Variants in CSMD2 observed in about 807,000 individuals in gnomAD.
CSMD2 encodes CUB and sushi domain-containing protein 2.
A neutral mutation model predicts 398.5 loss-of-function variants in CSMD2; 130 were observed. That is an observed-to-expected ratio of 0.33 (90% confidence interval 0.28 to 0.38). CSMD2 has a LOEUF of 0.38. Among genes scored for constraint, CSMD2 ranks in the 10% least tolerant of loss-of-function variants. The pLI is 1.00. For missense variants in CSMD2, 3,829 were observed against 4,764.9 expected, an observed-to-expected ratio of 0.80 and a Z score of 5.78; for synonymous variants, 1,828 against 1,908.5, an observed-to-expected ratio of 0.96 and a Z score of 1.10.
intron 50 of CSMD2, among the ~76,000 whole-genome samples, chr1:33,572,200 T>C (rs972542906): frequency 7.2e-5 from 11 of 152,182 alleles, no homozygotes; most frequent in Non-Finnish European, 1.3e-4. Context: ...GTTGTTGTTT[T>C]TAGAGCTTTG....
At chr1:33,954,547 AAG>A (rs1645105859) in intron 3 of CSMD2, among the ~76,000 whole-genome samples, 1 of 152,130 alleles carries the variant, frequency 6.6e-6, no homozygotes. Flanking sequence ...CAAGCGGGAG[AAG>A]CAACTCCAGT....
intron 4 of CSMD2, among the ~76,000 whole-genome samples, chr1:33,931,494 G>T (rs913160107): frequency 2.6e-5 from 4 of 152,224 alleles, no homozygotes; most frequent in Non-Finnish European, 2.9e-5. Context: ...GACTGGGGGT[G>T]GGGGGAAGCC....
At chr1:33,813,935 AG>A (rs1463351332) in intron 9 of CSMD2, 1 of 152,660 alleles carries the variant, frequency 6.6e-6, no homozygotes, top group Non-Finnish European at 1.5e-5. Flanking sequence ...TCCTGACTGA[AG>A]CCCATCTTCC....
intron 2 of CSMD2, among the ~76,000 whole-genome samples, chr1:34,064,140 T>C (rs1466618842): frequency 6.6e-6 from 1 of 152,212 alleles, no homozygotes; most frequent in African/African-American, 2.4e-5. Flanking sequence ...GGTGCCGCTG[T>C]GAAGGTCTCT....
chr1:33,868,235 C>T (rs1373279771), intron 5 of CSMD2, among the ~76,000 whole-genome samples: 1 of 152,166 alleles, frequency 6.6e-6, no homozygotes, highest in Non-Finnish European at 1.5e-5. Context: ...GGCCCATCAC[C>T]ATCTTGATGA....
chr1:34,022,010 T>C (rs1187228735), intron 3 of CSMD2, among the ~76,000 whole-genome samples: 2 of 152,210 alleles, frequency 1.3e-5, no homozygotes. Flanking sequence ...TAAAGCTGGA[T>C]CTTACGACTG....
chr1:34,014,895 C>G (rs534940137), intron 3 of CSMD2, among the ~76,000 whole-genome samples: 1 of 152,352 alleles, frequency 6.6e-6, no homozygotes, highest in African/African-American at 2.4e-5. Context: ...TACCAAGAAG[C>G]CTCAGCCAGA....
chr1:33,636,760 G>A lies in CSMD2; in HGVS notation c.4775-206C>T, dbSNP rs1032880785. Among the ~76,000 whole-genome samples, 5 of 152,040 alleles carry A rather than the reference G, an allele frequency of 3.3e-5. No individual in the cohort carries two copies. The highest frequency in any genetic ancestry group is 1.2e-4 in the African/African-American group (5 of 41,390). ...GAAGGATGGAAATCACATTGAAGAG[G>A]GCAATTTCCCCTCCTCCCCCCATGT... On this transcript the variant is annotated intron_variant, in intron 29 of 70. Coordinates refer to ENST00000373381, the MANE Select transcript of CSMD2 (RefSeq NM_001281956.2). The surrounding 1 kb of genome is among the most constrained non-coding windows in gnomAD (Gnocchi z 4.8).
intron 2 of CSMD2, among the ~76,000 whole-genome samples, chr1:34,047,265 C>T (rs767862690): frequency 1.3e-5 from 2 of 152,186 alleles, no homozygotes; most frequent in Non-Finnish European, 2.9e-5. Flanking sequence ...CAAGTTCTGC[C>T]TCAGGGCCTT....
intron 3 of CSMD2, among the ~76,000 whole-genome samples, chr1:34,029,115 A>T (rs1650082789): frequency 6.6e-6 from 1 of 152,154 alleles, no homozygotes; most frequent in African/African-American, 2.4e-5. Context: ...CAACAACATC[A>T]TGAATAGCGA....
chr1:33,962,528 T>A (rs192959265), intron 3 of CSMD2, among the ~76,000 whole-genome samples: 1 of 152,052 alleles, frequency 6.6e-6, no homozygotes, highest in East Asian at 1.9e-4. Flanking sequence ...AGGGAAAAAA[T>A]TTATTACTGC....
intron 21 of CSMD2, among the ~76,000 whole-genome samples, chr1:33,713,860 C>G (rs891121726): frequency 1.3e-5 from 2 of 152,208 alleles, no homozygotes; most frequent in African/African-American, 4.8e-5. Flanking sequence ...GCAACCCTAG[C>G]TCCAGCACTT....
At chr1:33,575,594 G>A (rs1027504393) in intron 49 of CSMD2, among the ~76,000 whole-genome samples, 2 of 152,162 alleles carry the variant, frequency 1.3e-5, no homozygotes, top group African/African-American at 2.4e-5. Flanking sequence ...AGTAGTATGG[G>A]GATGGGTCAA....
chr1:33,595,367 T>C (rs2148782929), intron 44 of CSMD2, among the ~76,000 whole-genome samples: 1 of 152,340 alleles, frequency 6.6e-6, no homozygotes, highest in South Asian at 2.1e-4. Context: ...TGGCTTCTTC[T>C]CACTGCATCC....
chr1:34,123,999 G>A (rs2033692), intron 1 of CSMD2, among the ~76,000 whole-genome samples: 1,911 of 152,250 alleles, frequency 0.013, 49 homozygotes, highest in African/African-American at 0.042. Flanking sequence ...CAATAACCCA[G>A]GCAGGCTTGG....
At chr1:33,749,458 C>T (rs1647908499) in intron 13 of CSMD2, among the ~76,000 whole-genome samples, 1 of 151,992 alleles carries the variant, frequency 6.6e-6, no homozygotes, top group Non-Finnish European at 1.5e-5. Context: ...GGAGAAAATT[C>T]ATAGCTTTAT....
chr1:33,714,470 G>A, intron 21 of CSMD2, 117 bp downstream of exon 21: 11 of 1,214,198 alleles, frequency 9.1e-6, no homozygotes, highest in Non-Finnish European at 1.3e-5. Context: ...AGGTAAGTGT[G>A]GTAAGTGTGG....
chr1:33,673,505 G>A (rs1269646209), intron 25 of CSMD2, among the ~76,000 whole-genome samples: 2 of 152,190 alleles, frequency 1.3e-5, no homozygotes, highest in Non-Finnish European at 1.5e-5. Flanking sequence ...TGAAAGTGAC[G>A]GGGAGAATGG....
intron 19 of CSMD2, among the ~76,000 whole-genome samples, chr1:33,717,443 G>T (rs1343709319): frequency 3.3e-5 from 5 of 151,972 alleles, no homozygotes; most frequent in Non-Finnish European, 5.9e-5. Flanking sequence ...AAGACAGCAG[G>T]CACTTAATGC....
Sources: gnomAD v4.1 joint callset for allele counts (sites outside exome capture counted in the v4.1 genomes callset) on GRCh38, gnomAD v4.1.1 for gene constraint, Gnocchi (gnomAD v3.1) non-coding constraint, MANE v1.5 for transcripts, NCBI Gene and HGNC (gene_info 2026-07-23, HGNC 2026-07-21) for gene names.